Variants in CEACAM21 observed in about 807,000 individuals in gnomAD.
The protein encoded by CEACAM21 is CEA cell adhesion molecule 21.
A neutral mutation model predicts 33.2 loss-of-function variants in CEACAM21; 38 were observed. The ratio of observed to expected loss-of-function variants is 1.14; its 90% CI spans 0.88 to 1.50. The LOEUF (loss-of-function observed/expected upper bound fraction) is 1.50. Ranked by LOEUF, CEACAM21 falls within the 40% of genes most tolerant of loss-of-function variation. CEACAM21 has a pLI of 0.00. For missense variants in CEACAM21, 385 were observed against 364.6 expected (o/e 1.06, Z -0.46); for synonymous variants, 156 against 143.0 (o/e 1.09, Z -0.65).
intron 1 of CEACAM21, among the ~76,000 whole-genome samples, chr19:41,549,801 T>A (rs868950253): frequency 6.6e-6 from 1 of 152,234 alleles, no homozygotes; most frequent in Non-Finnish European, 1.5e-5. Context: ...CAAGCAATCC[T>A]TCTGTCTCCA....
chr19:41,577,508 A>T lies in CEACAM21; in HGVS notation c.373A>T (p.Thr125Ser), dbSNP rs782339817. ...EDTGYYNLQV[T>S]YRNSQIEQAS... ...CACGGGATACTACAACCTACAAGTC[A>T]CATACAGAAATTCTCAGATTGAACA... Residue 125 changes from threonine (T) to serine (S), a missense_variant, in exon 2 of 7, where the codon ACA becomes TCA. Transcript: ENST00000401445. 3 of 1,613,942 alleles carry T rather than the reference A, an allele frequency of 1.9e-6. No individual in the cohort carries two copies. The highest frequency in any genetic ancestry group is 2.2e-5 in the East Asian group (1 of 44,896).
chr19:41,584,350 A>T lies in CEACAM21; in HGVS notation c.704A>T (p.Asp235Val), dbSNP rs535087962. ...CCCCTTTGCCTTCTTCTTTCAGCAG[A>T]TGACAACACTCTAGGCATCCTGATC... is the stretch of plus-strand genomic sequence containing the variant. ...SDPLKLTVKS[D>V]DNTLGILIGV... is the part of the protein sequence containing the mutation. The change falls in exon 4 of 7, where the codon GAT (aspartate) becomes GTT (valine). Residue 235 changes from aspartate to valine, a missense_variant. By Grantham distance (152) the Asp-to-Val change is radical. Coordinates refer to ENST00000401445, the MANE Select transcript of CEACAM21 (RefSeq NM_001098506.4). 2 of 1,610,606 alleles carry T rather than the reference A, an allele frequency of 1.2e-6. No homozygotes were observed. The highest frequency in any genetic ancestry group is 3.4e-5 in the Admixed American group (2 of 59,530).
chr19:41,562,465 G>C (rs1452544620), intron 1 of CEACAM21, among the ~76,000 whole-genome samples: 1 of 152,074 alleles, frequency 6.6e-6, no homozygotes, highest in Non-Finnish European at 1.5e-5. Context: ...TCCTAAAATT[G>C]TGTCTGCATA....
intron 1 of CEACAM21, among the ~76,000 whole-genome samples, chr19:41,552,548 T>C (rs1217528172): frequency 6.6e-6 from 1 of 152,328 alleles, no homozygotes; most frequent in East Asian, 1.9e-4. Context: ...GTAGTTGTGA[T>C]GGGGACCTCC....
At chr19:41,575,585 G>A (rs1443932913), upstream of CEACAM21, among the ~76,000 whole-genome samples, 1 of 152,204 alleles carries the variant, frequency 6.6e-6, no homozygotes. Flanking sequence ...CCTTCACCAA[G>A]GACAGCAGAA....
At chr19:41,572,701 A>T (rs1392084208), upstream of CEACAM21, among the ~76,000 whole-genome samples, 1 of 152,076 alleles carries the variant, frequency 6.6e-6, no homozygotes, top group Non-Finnish European at 1.5e-5. Context: ...GGTCTGTACC[A>T]CATCCAGCAT....
intron 1 of CEACAM21, 57 bp from the exon 2 acceptor site, chr19:41,577,143 G>A (rs143775364): frequency 0.029 from 47,027 of 1,607,250 alleles, 856 homozygotes; most frequent in Non-Finnish European, 0.034. Context: ...CCAGGACCCC[G>A]TCTTTCCATG....
intron 4 of CEACAM21, among the ~76,000 whole-genome samples, chr19:41,584,812 T>C (rs1414823965): frequency 2.0e-5 from 3 of 152,128 alleles, no homozygotes; most frequent in East Asian, 1.9e-4. Flanking sequence ...CTGGGCATCA[T>C]CACATAGTGG....
intron 2 of CEACAM21, among the ~76,000 whole-genome samples, chr19:41,566,318 T>C (rs1341847003): frequency 6.6e-6 from 1 of 152,214 alleles, no homozygotes; most frequent in East Asian, 1.9e-4. Flanking sequence ...TTACCTATAA[T>C]TCTATAGGAA....
chr19:41,585,627 C>T, intron 5 of CEACAM21, 132 bp downstream of exon 5: 1 of 1,143,838 alleles, frequency 8.7e-7, no homozygotes, highest in South Asian at 1.3e-5. Context: ...TAAAACATCA[C>T]ACAGGAAACC....
chr19:41,576,786 T>C (rs1447857929), intron 1 of CEACAM21, among the ~76,000 whole-genome samples: 1 of 151,820 alleles, frequency 6.6e-6, no homozygotes, highest in African/African-American at 2.4e-5. Flanking sequence ...CTCACAGAGC[T>C]CACAATCTCA....
intron 2 of CEACAM21, among the ~76,000 whole-genome samples, chr19:41,569,515 C>T (rs539906998): frequency 7.2e-5 from 11 of 151,850 alleles, no homozygotes; most frequent in East Asian, 1.9e-4. Context: ...TTGCGGGGGG[C>T]GGGTTGGGGA....
At chr19:41,554,407 C>T (rs2041415640) in intron 1 of CEACAM21, among the ~76,000 whole-genome samples, 1 of 151,720 alleles carries the variant, frequency 6.6e-6, no homozygotes, top group South Asian at 2.1e-4. Flanking sequence ...CCTCTGTGGC[C>T]CACAATAATT....
intron 2 of CEACAM21, among the ~76,000 whole-genome samples, chr19:41,567,440 A>C (rs1555788558): frequency 6.6e-6 from 1 of 152,210 alleles, no homozygotes; most frequent in Non-Finnish European, 1.5e-5. Context: ...ATAGATGTTC[A>C]TTGCAGCCCT....
chr19:41,585,038 G>A (rs1164896639), intron 4 of CEACAM21, among the ~76,000 whole-genome samples: 2 of 152,190 alleles, frequency 1.3e-5, no homozygotes, highest in Admixed American at 6.5e-5. Flanking sequence ...GGTCACAGCA[G>A]GGACACTGAG....
intron 2 of CEACAM21, among the ~76,000 whole-genome samples, chr19:41,578,301 C>A (rs1226168608): frequency 7.9e-6 from 1 of 126,644 alleles, no homozygotes; most frequent in East Asian, 2.3e-4. Flanking sequence ...GCCCAGAGAA[C>A]TCTTTTTTTT....
At chr19:41,577,834 G>T (rs1279593320) in intron 2 of CEACAM21, among the ~76,000 whole-genome samples, 1 of 152,154 alleles carries the variant, frequency 6.6e-6, no homozygotes, top group Non-Finnish European at 1.5e-5. Context: ...AACCCCCCTT[G>T]GCCTCCTCCT....
intron 1 of CEACAM21, among the ~76,000 whole-genome samples, chr19:41,557,421 T>C (rs1219903353): frequency 1.3e-5 from 2 of 152,154 alleles, no homozygotes; most frequent in African/African-American, 2.4e-5. Context: ...AATTTGGAGA[T>C]TCAGGAGGTA....
At chr19:41,579,038 A>G (rs1253882177) in intron 2 of CEACAM21, among the ~76,000 whole-genome samples, 1 of 152,062 alleles carries the variant, frequency 6.6e-6, no homozygotes, top group Non-Finnish European at 1.5e-5. Context: ...CCCATGTTCC[A>G]TTTCTCTGAC....
Sources: gnomAD v4.1 joint callset for allele counts (sites outside exome capture counted in the v4.1 genomes callset) on GRCh38, gnomAD v4.1.1 for gene constraint, MANE v1.5 for transcripts, NCBI Gene and HGNC (gene_info 2026-07-23, HGNC 2026-07-21) for gene names.